The following EPS15 variants were observed in gnomAD, a reference collection of about 807,000 sequenced individuals.
EPS15 encodes epidermal growth factor receptor pathway substrate 15, also known as epidermal growth factor receptor substrate 15.
Under a neutral mutation model 113.8 loss-of-function variants are expected in EPS15, and 72 were observed. That is an observed-to-expected ratio of 0.63 (90% CI 0.52 to 0.77). The LOEUF is 0.77. Among genes scored for constraint, EPS15 ranks in the 30% least tolerant of loss-of-function variants. EPS15 has a pLI of 0.00. For synonymous variants in EPS15, 344 were observed against 363.4 expected (o/e 0.95, Z 0.61); for missense variants, 1,048 against 1,045.8 (o/e 1.00, Z -0.03).
chr1:51,450,452 C>T (rs926651815), intron 8 of EPS15, among the ~76,000 whole-genome samples: 8 of 151,700 alleles, frequency 5.3e-5, no homozygotes, highest in Admixed American at 2.6e-4. Flanking sequence ...AGAGCAGGAG[C>T]AAGAGCAAAC....
chr1:51,371,081 A>AT (rs895443279), intron 21 of EPS15, among the ~76,000 whole-genome samples: 3 of 146,768 alleles, frequency 2.0e-5, no homozygotes, highest in Non-Finnish European at 4.5e-5. Context: ...CACCCAGCTA[A>AT]TTTTTTTTGT....
intron 8 of EPS15, among the ~76,000 whole-genome samples, chr1:51,460,411 AT>A (rs1282114686): frequency 6.6e-5 from 10 of 152,342 alleles, no homozygotes; most frequent in African/African-American, 1.9e-4. Context: ...CTCAAGTGTT[AT>A]TCATGTTTCC....
At chr1:51,379,947 A>G (rs1219043262) in intron 21 of EPS15, among the ~76,000 whole-genome samples, 1 of 151,684 alleles carries the variant, frequency 6.6e-6, no homozygotes, top group Non-Finnish European at 1.5e-5. Flanking sequence ...CTGTAGTCCC[A>G]GCTACTTGGA....
At chr1:51,492,390 A>G (rs1166948708) in intron 1 of EPS15, among the ~76,000 whole-genome samples, 2 of 152,200 alleles carry the variant, frequency 1.3e-5, no homozygotes, top group African/African-American at 4.8e-5. Flanking sequence ...TATTCTAAAG[A>G]AAGTTTTCAA....
chr1:51,398,890 G>A, intron 20 of EPS15, 142 bp downstream of exon 20: 1 of 708,670 alleles, frequency 1.4e-6, no homozygotes, highest in Non-Finnish European at 2.2e-6. Flanking sequence ...AAAACTAAAT[G>A]AATTGGGATG....
chr1:51,399,867 A>AG, intron 19 of EPS15, among the ~76,000 whole-genome samples: 1 of 152,288 alleles, frequency 6.6e-6, no homozygotes, highest in East Asian at 1.9e-4. Flanking sequence ...TCTCAAAAAA[A>AG]AAATCCAAAA....
chr1:51,482,784 G>C (rs922410709), intron 1 of EPS15, among the ~76,000 whole-genome samples: 1 of 152,004 alleles, frequency 6.6e-6, no homozygotes, highest in Non-Finnish European at 1.5e-5. Context: ...TAATTTTAAT[G>C]GTCTGGTTGA....
At chr1:51,390,196 G>C (rs1273876758) in intron 21 of EPS15, among the ~76,000 whole-genome samples, 3 of 152,130 alleles carry the variant, frequency 2.0e-5, no homozygotes, top group Non-Finnish European at 2.9e-5. Context: ...ACAAACCTGA[G>C]AAAAACAAGC....
At chr1:51,500,686 T>A (rs1462789098) in intron 1 of EPS15, among the ~76,000 whole-genome samples, 6 of 152,084 alleles carry the variant, frequency 3.9e-5, no homozygotes, top group Admixed American at 3.9e-4. Context: ...CAGCTAATTT[T>A]TAAAAGAAAA....
intron 21 of EPS15, among the ~76,000 whole-genome samples, chr1:51,373,429 T>C (rs915734237): frequency 2.0e-5 from 3 of 152,208 alleles, no homozygotes; most frequent in African/African-American, 4.8e-5. Flanking sequence ...CTTCAGATTG[T>C]ATGAGAAAAA....
intron 21 of EPS15, chr1:51,372,747 G>A: frequency 2.4e-6 from 1 of 414,040 alleles, no homozygotes; most frequent in South Asian, 1.9e-5. Context: ...TGAAACTGGA[G>A]CAGAGGAAGC....
chr1:51,359,442 T>TG (rs1292777294), intron 24 of EPS15, among the ~76,000 whole-genome samples: 39 of 129,464 alleles, frequency 3.0e-4, no homozygotes, highest in Non-Finnish European at 5.6e-4. Context: ...GACTCTGTCT[T>TG]TAAAAAAAAA....
intron 13 of EPS15, among the ~76,000 whole-genome samples, chr1:51,415,267 C>T (rs1570251599): frequency 6.6e-6 from 1 of 152,146 alleles, no homozygotes; most frequent in African/African-American, 2.4e-5. Context: ...TCTTTCTGCC[C>T]TTTCTCTCCC....
rs1652060970 is a variant in EPS15, at chr1:51,435,285, C to T, written c.1040+5062G>A. Among the ~76,000 whole-genome samples, 2 of 151,846 alleles carry T rather than the reference C, an allele frequency of 1.3e-5. 1 individual carries two copies. Among genetic ancestry groups the T allele is most frequent in the Middle Eastern group, 6.8e-3 (2 of 294 alleles). ...CTCGGCTCACTGCAACTTCTGCCAC[C>T]CAGGTTCAAGCGATTCTCGTGTCTC... is the stretch of plus-strand genomic sequence containing the variant. On this transcript the variant is annotated intron_variant, in intron 12 of 24. Coordinates refer to ENST00000371733, the MANE Select transcript of EPS15 (RefSeq NM_001981.3).
chr1:51,468,152 G>C (rs1654984879), intron 5 of EPS15, among the ~76,000 whole-genome samples: 1 of 151,802 alleles, frequency 6.6e-6, no homozygotes, highest in Admixed American at 6.6e-5. Context: ...TAGAGATGGG[G>C]GTCTCGCTTT....
chr1:51,357,327 A>C (rs1316358753), intron 24 of EPS15, among the ~76,000 whole-genome samples: 10 of 145,432 alleles, frequency 6.9e-5, no homozygotes, highest in African/African-American at 2.6e-4. Context: ...CAGTGAGCCG[A>C]AAATGCACCC....
chr1:51,458,502 C>T (rs951005387), intron 8 of EPS15: 8 of 432,762 alleles, frequency 1.8e-5, no homozygotes, highest in East Asian at 7.8e-5. Context: ...TTTGGGAGGC[C>T]GAGGCGAGTG....
chr1:51,450,644 ACCACC>A (rs1557482053), intron 8 of EPS15, among the ~76,000 whole-genome samples: 1 of 151,866 alleles, frequency 6.6e-6, no homozygotes, highest in African/African-American at 2.4e-5. Flanking sequence ...TCAAATTGGT[ACCACC>A]CCTATGAAGG....
chr1:51,496,880 T>C (rs1317376681), intron 1 of EPS15, among the ~76,000 whole-genome samples: 3 of 152,226 alleles, frequency 2.0e-5, no homozygotes, highest in South Asian at 2.1e-4. Context: ...ATTACTACTA[T>C]CTAATGTCTA....
Sources: allele counts gnomAD v4.1 joint callset (sites outside exome capture counted in the v4.1 genomes callset), GRCh38; gene constraint gnomAD v4.1.1; transcripts MANE v1.5; gene names NCBI Gene and HGNC (gene_info 2026-07-23, HGNC 2026-07-21).